Variants in FBXO9 observed in about 807,000 individuals in gnomAD.
The protein encoded by FBXO9 is F-box protein 9.
In FBXO9, 43 loss-of-function variants were observed where a neutral mutation model predicts 63.7. That is an observed-to-expected ratio of 0.67 (90% CI 0.53 to 0.87). FBXO9 has a LOEUF of 0.87. FBXO9 is among the 40% of genes least tolerant of loss of function. FBXO9 has a pLI of 0.00. For missense variants in FBXO9, 442 were observed against 533.2 expected, an observed-to-expected ratio of 0.83 and a Z score of 1.68; for synonymous variants, 156 against 171.7, an observed-to-expected ratio of 0.91 and a Z score of 0.72.
At chr6:53,072,821 A>G (rs998550640) in intron 2 of FBXO9, among the ~76,000 whole-genome samples, 9 of 151,914 alleles carry the variant, frequency 5.9e-5, no homozygotes, top group Admixed American at 3.9e-4. Context: ...CCCGAGTTCA[A>G]GCAATTCTCA....
chr6:53,065,508 G>A lies in FBXO9; in HGVS notation c.-282G>A. ...CGCTCCGGTGCTCGCACAATCCCCCGCCTCGGCTGGCAACGGGCGTCCCTC... is the reference window on the plus strand; with the variant it reads ...CGCTCCGGTGCTCGCACAATCCCCCACCTCGGCTGGCAACGGGCGTCCCTC... On this transcript the variant is annotated 5_prime_UTR_variant, in exon 1 of 13. Coordinates refer to ENST00000323557, the MANE Select transcript of FBXO9 (RefSeq NM_033480.3). The A allele has an allele frequency of 5.3e-6, 2 of 374,928 alleles. No individual in the cohort carries two copies. The highest frequency in any genetic ancestry group is 9.5e-6 in the Non-Finnish European group (2 of 210,240). The allele number at this position is 374,928 out of a possible 1,614,324, so 23.2% of individuals were successfully genotyped here.
chr6:53,079,695 A>G (rs1393186122), intron 5 of FBXO9, among the ~76,000 whole-genome samples: 1 of 152,160 alleles, frequency 6.6e-6, no homozygotes, highest in Non-Finnish European at 1.5e-5. Context: ...AATAGACAGT[A>G]CAGAGAAAAA....
chr6:53,086,780 A>G (rs1051734429), intron 7 of FBXO9, among the ~76,000 whole-genome samples: 1 of 152,190 alleles, frequency 6.6e-6, no homozygotes, highest in African/African-American at 2.4e-5. Flanking sequence ...TAAACTAAAC[A>G]TTTCAGGCCG....
chr6:53,065,882 G>T, intron 1 of FBXO9, 90 bp downstream of exon 1: 2 of 1,241,868 alleles, frequency 1.6e-6, no homozygotes, highest in Non-Finnish European at 2.0e-6. Flanking sequence ...GGTCGGCGGG[G>T]ACTCTGGGGA....
intron 3 of FBXO9, among the ~76,000 whole-genome samples, chr6:53,075,681 T>C (rs567539404): frequency 4.2e-4 from 63 of 149,486 alleles, no homozygotes; most frequent in African/African-American, 1.5e-3. Flanking sequence ...ATATATTCTC[T>C]CTCTGAAATA....
intron 5 of FBXO9, among the ~76,000 whole-genome samples, chr6:53,080,488 C>A (rs543355148): frequency 6.6e-6 from 1 of 152,162 alleles, no homozygotes; most frequent in South Asian, 2.1e-4. Context: ...GATTTGTGAA[C>A]CCTAAGATGT....
chr6:53,097,737 T>C lies in FBXO9; in HGVS notation c.1221T>C (p.Thr407=). 6.2e-7 allele frequency: 1 copy of C among 1,600,928 alleles called. No homozygotes were observed. The highest frequency in any genetic ancestry group is 8.5e-7 in the Non-Finnish European group (1 of 1,172,036). The part of the protein sequence containing the change: ...CHITYKSTGE[T]AVSAFEIDKM... ...TTTTTTACAGATCAACTGGTGAGAC[T>C]GCAGTCAGTGCTTTTGAGATTGACA... is the stretch of plus-strand genomic sequence containing the variant. Residue 407 remains threonine, a synonymous_variant, in exon 13 of 13, where the codon ACT becomes ACC. Transcript: ENST00000323557.
Position 53,073,619 on chromosome 6 carries a change from G to C in FBXO9, c.229G>C (p.Glu77Gln). ...KTSADTKGKQ[E>Q]QAKEEKAREL... ...ATCGGCAGATACCAAAGGAAAACAA[G>C]AACAGGCAAAAGAAGAAAAGTTAAG... Residue 77 changes from glutamate to glutamine, a missense_variant, in exon 3 of 13, where the codon GAA (glutamate) becomes CAA (glutamine). Transcript: ENST00000323557. 2 of 1,595,302 alleles carry C rather than the reference G, an allele frequency of 1.3e-6. No homozygotes were observed. The highest frequency in any genetic ancestry group is 8.5e-7 in the Non-Finnish European group (1 of 1,170,960).
chr6:53,093,815 T>G (rs1407174205), intron 10 of FBXO9, 70 bp from the exon 11 acceptor site: 45 of 1,217,508 alleles, frequency 3.7e-5, no homozygotes, highest in Non-Finnish European at 4.9e-5. Flanking sequence ...CTGTTGTAAT[T>G]TGTTACTTCT....
chr6:53,096,667 G>A (rs996472248), intron 12 of FBXO9, among the ~76,000 whole-genome samples: 2 of 152,070 alleles, frequency 1.3e-5, no homozygotes, highest in East Asian at 3.8e-4. Flanking sequence ...GACTTTGGGG[G>A]GCCAAGGCAA....
At chr6:53,076,591 ACT>A (rs1769119474) in intron 4 of FBXO9, 48 bp downstream of exon 4, 2 of 1,318,244 alleles carry the variant, frequency 1.5e-6, no homozygotes, top group South Asian at 1.6e-5. Flanking sequence ...CTGAATAATG[ACT>A]CTGTTATTAA....
At chr6:53,067,731 G>T (rs1358968240) in intron 1 of FBXO9, among the ~76,000 whole-genome samples, 1 of 152,140 alleles carries the variant, frequency 6.6e-6, no homozygotes, top group African/African-American at 2.4e-5. Context: ...TTCTCAGTGG[G>T]ATTTATACGC....
In FBXO9 at chr6:53,096,133, T is replaced by C. The variant is rs186530615; in HGVS notation, c.1205+469T>C. ...AGTCTACTAAAAAAATAAGAGGTAT[T>C]CCAAAGCCAAATTTGTTAGGTGATT... On this transcript the variant is annotated intron_variant, in intron 12 of 12. Transcript: ENST00000323557. Among the ~76,000 whole-genome samples, 48 of 152,354 alleles carry C rather than the reference T, an allele frequency of 3.2e-4. 1 individual carries two copies. The East Asian group carries it at 9.0e-3, about 29-fold the overall frequency.
intron 3 of FBXO9, 45 bp downstream of exon 3, chr6:53,073,684 G>A (rs1442742242): frequency 5.2e-6 from 7 of 1,342,278 alleles, no homozygotes; most frequent in Non-Finnish European, 7.0e-6. Context: ...TTTTTTTTTT[G>A]GCACATGGAA....
rs760965873 is a variant in FBXO9 at position 53,092,446 on chromosome 6, G to A, written c.671G>A (p.Arg224His). The A allele has an allele frequency of 1.8e-5, 29 of 1,613,596 alleles. No individual in the cohort carries two copies. The highest frequency in any genetic ancestry group is 6.7e-5 in the African/African-American group (5 of 74,906). ...TTCCCTAGAGACCCTGAAATATGGC[G>A]TCTGGCCTGCTTGAAAGTTTGGGGC... ...YICARDPEIW[R>H]LACLKVWGRS... The change falls in exon 8 of 13, where the codon CGT becomes CAT. Residue 224 changes from arginine (R) to histidine (H), a missense_variant. Around this residue, in one of 2 missense-constraint regions of FBXO9, gnomAD observed 262 missense variants for 362.1 expected, o/e 0.72. Transcript: ENST00000323557.
chr6:53,073,804 A>G, intron 3 of FBXO9, 165 bp downstream of exon 3: 2 of 552,706 alleles, frequency 3.6e-6, no homozygotes, highest in South Asian at 2.9e-5. Flanking sequence ...ATTTCTCACA[A>G]TTTCTTCTAG....
intron 5 of FBXO9, among the ~76,000 whole-genome samples, chr6:53,079,488 A>G (rs1296979550): frequency 6.6e-6 from 1 of 152,200 alleles, no homozygotes; most frequent in African/African-American, 2.4e-5. Context: ...TTTGAATTGT[A>G]TAGTTGCCAC....
intron 12 of FBXO9, among the ~76,000 whole-genome samples, chr6:53,097,106 G>A (rs756962713): frequency 6.6e-6 from 1 of 151,906 alleles, no homozygotes; most frequent in African/African-American, 2.4e-5. Flanking sequence ...CTCTGCTTTC[G>A]TTTGTCTCTC....
chr6:53,078,317 G>T (rs977820834), intron 4 of FBXO9, among the ~76,000 whole-genome samples: 3 of 152,168 alleles, frequency 2.0e-5, no homozygotes, highest in Non-Finnish European at 4.4e-5. Context: ...AGCTGAGTGT[G>T]CTGGCTGGGG....
Sources: allele counts gnomAD v4.1 joint callset (sites outside exome capture counted in the v4.1 genomes callset), GRCh38; gene constraint gnomAD v4.1.1; regional missense constraint gnomAD v4.1.1; transcripts MANE v1.5; gene names NCBI Gene and HGNC (gene_info 2026-07-23, HGNC 2026-07-21).